Variants in PTPRD observed in about 807,000 individuals in gnomAD.
The protein encoded by PTPRD is protein tyrosine phosphatase receptor type D, also known as receptor-type tyrosine-protein phosphatase delta.
In PTPRD, 34 loss-of-function variants were observed where a neutral mutation model predicts 214.5. The ratio of observed to expected loss-of-function variants is 0.16; its 90% confidence interval spans 0.12 to 0.21. The LOEUF (loss-of-function observed/expected upper bound fraction) is 0.21. Ranked by LOEUF, PTPRD falls within the 10% of genes least tolerant of loss-of-function variation. PTPRD has a pLI of 1.00. For missense variants in PTPRD, 2,545 were observed against 2,398.7 expected (o/e 1.06, Z -1.27); for synonymous variants, 1,128 against 845.7 (o/e 1.33, Z -5.79).
intron 3 of PTPRD, among the ~76,000 whole-genome samples, chr9:10,151,558 A>G (rs1461625043): frequency 1.3e-5 from 2 of 151,734 alleles, no homozygotes; most frequent in Non-Finnish European, 2.9e-5. Context: ...ACCGTGCCCA[A>G]TCTTTTTTGC....
At chr9:9,531,264 T>A (rs566590449) in intron 8 of PTPRD, among the ~76,000 whole-genome samples, 9 of 152,254 alleles carry the variant, frequency 5.9e-5, no homozygotes, top group African/African-American at 2.2e-4. Context: ...CGGGTTCATA[T>A]GACAACATGG....
chr9:9,128,305 G>T (rs562740736), intron 10 of PTPRD, among the ~76,000 whole-genome samples: 1 of 152,044 alleles, frequency 6.6e-6, no homozygotes, highest in South Asian at 2.1e-4. Flanking sequence ...TTAACCTTCC[G>T]AACTCATACA....
chr9:9,963,537 A>C (rs1304806727), intron 4 of PTPRD, among the ~76,000 whole-genome samples: 1 of 152,174 alleles, frequency 6.6e-6, no homozygotes, highest in Non-Finnish European at 1.5e-5. Context: ...CGAATAAATC[A>C]AGGAAATACA....
At position 9,353,091 on chromosome 9, in the gene PTPRD, C is replaced by T. The variant is rs563369319; in HGVS notation, c.-203+44358G>A. Among the ~76,000 whole-genome samples, 9 of 152,008 alleles carry T rather than the reference C, an allele frequency of 5.9e-5. No individual in the cohort carries two copies. The South Asian group carries it at 1.9e-3, about 31-fold the overall frequency. Reference sequence around the variant, plus strand: ...GAGCCCTCTGGTGGCCAAAACAATGCTATTCAATGTTCACTAGAGAAGTTC... The same window carrying T: ...GAGCCCTCTGGTGGCCAAAACAATGTTATTCAATGTTCACTAGAGAAGTTC... On this transcript the variant is annotated intron_variant, in intron 9 of 45. Coordinates refer to ENST00000381196, the MANE Select transcript of PTPRD (RefSeq NM_002839.4).
chr9:8,813,670 G>A (rs923132696), intron 11 of PTPRD, among the ~76,000 whole-genome samples: 1 of 152,184 alleles, frequency 6.6e-6, no homozygotes, highest in South Asian at 2.1e-4. Context: ...ACCGCGCCGG[G>A]CCTTCCTCCT....
intron 4 of PTPRD, among the ~76,000 whole-genome samples, chr9:9,997,223 C>A (rs1185206429): frequency 1.3e-5 from 2 of 151,074 alleles, no homozygotes; most frequent in Non-Finnish European, 2.9e-5. Context: ...AAAAGATATT[C>A]ACTAGGGAGA....
chr9:9,084,637 G>A (rs916502931), intron 10 of PTPRD, among the ~76,000 whole-genome samples: 6 of 152,116 alleles, frequency 3.9e-5, no homozygotes, highest in African/African-American at 7.2e-5. Context: ...GGATCTGAGA[G>A]TGTTATTTTT....
At chr9:9,076,002 G>T (rs965165726) in intron 10 of PTPRD, among the ~76,000 whole-genome samples, 5 of 152,114 alleles carry the variant, frequency 3.3e-5, no homozygotes, top group Non-Finnish European at 7.4e-5. Flanking sequence ...TTCCACAATG[G>T]TTGAACTAGT....
intron 5 of PTPRD, among the ~76,000 whole-genome samples, chr9:9,798,224 G>C (rs1344885878): frequency 6.6e-6 from 1 of 151,970 alleles, no homozygotes; most frequent in Non-Finnish European, 1.5e-5. Context: ...TTCCTCACTA[G>C]ATTTATGGCT....
intron 39 of PTPRD, among the ~76,000 whole-genome samples, chr9:8,370,160 T>A (rs997166280): frequency 2.0e-5 from 3 of 151,350 alleles, no homozygotes; most frequent in African/African-American, 7.3e-5. Context: ...ATAAATAAGA[T>A]AAAAACAATA....
intron 28 of PTPRD, 78 bp from the exon 29 acceptor site, chr9:8,485,402 G>C: frequency 1.0e-6 from 1 of 962,618 alleles, no homozygotes; most frequent in Non-Finnish European, 1.6e-6. Flanking sequence ...GGACCATAGG[G>C]GCTTATGCTA....
chr9:9,952,936 A>C (rs1017326264), intron 4 of PTPRD, among the ~76,000 whole-genome samples: 9 of 152,302 alleles, frequency 5.9e-5, no homozygotes, highest in Middle Eastern at 3.4e-3. Flanking sequence ...ATAATTGGCA[A>C]GTAGAAGAGC....
chr9:8,969,061 C>A (rs2099219114), intron 11 of PTPRD, among the ~76,000 whole-genome samples: 1 of 151,980 alleles, frequency 6.6e-6, no homozygotes, highest in African/African-American at 2.4e-5. Context: ...ACATAATGGA[C>A]ATTTAATAAA....
intron 6 of PTPRD, among the ~76,000 whole-genome samples, chr9:9,764,770 CT>C (rs1565088560): frequency 6.6e-6 from 1 of 152,106 alleles, no homozygotes; most frequent in African/African-American, 2.4e-5. Context: ...AAGTGACAGA[CT>C]CATACTTCAA....
At chr9:10,281,274 C>A (rs1334858343) in intron 3 of PTPRD, among the ~76,000 whole-genome samples, 1 of 151,980 alleles carries the variant, frequency 6.6e-6, no homozygotes, top group Non-Finnish European at 1.5e-5. Context: ...TAGATGTTAA[C>A]TCTAAGCATA....
chr9:9,584,182 GGTTT>G (rs1438504427), intron 7 of PTPRD, among the ~76,000 whole-genome samples: 1 of 151,692 alleles, frequency 6.6e-6, no homozygotes. Flanking sequence ...CCTAAGCCAC[GGTTT>G]GTTTATCTCA....
At chr9:9,578,085 A>G (rs1251390746) in intron 7 of PTPRD, among the ~76,000 whole-genome samples, 2 of 148,510 alleles carry the variant, frequency 1.3e-5, no homozygotes, top group African/African-American at 4.9e-5. Context: ...GATCAGATAT[A>G]CTTCTCTCAT....
chr9:8,578,983 T>G (rs2092766302), intron 14 of PTPRD, among the ~76,000 whole-genome samples: 2 of 152,232 alleles, frequency 1.3e-5, no homozygotes, highest in Non-Finnish European at 2.9e-5. Context: ...GATTTATAAA[T>G]ATTTCAGAGG....
intron 6 of PTPRD, among the ~76,000 whole-genome samples, chr9:9,752,968 G>A (rs1323799): frequency 0.12 from 18,120 of 151,998 alleles, 1,800 homozygotes; most frequent in African/African-American, 0.27. Context: ...AATACAGAGT[G>A]TACTTGTTCT....
Sources: allele counts gnomAD v4.1 joint callset (sites outside exome capture counted in the v4.1 genomes callset), GRCh38; gene constraint gnomAD v4.1.1; transcripts MANE v1.5; gene names NCBI Gene and HGNC (gene_info 2026-07-23, HGNC 2026-07-21).